The following ALK variants were observed in gnomAD, a reference collection of about 807,000 sequenced individuals.
ALK encodes the protein ALK tyrosine kinase receptor.
A neutral mutation model predicts 163.1 loss-of-function variants in ALK; 74 were observed. The ratio of observed to expected loss-of-function variants is 0.45; its 90% CI spans 0.38 to 0.55. The LOEUF is 0.55. ALK is among the 20% of genes least tolerant of loss of function. The probability of loss-of-function intolerance (pLI) is 0.00; values close to 1 mark genes in which losing one functional copy is unlikely to be tolerated. For synonymous variants in ALK, 960 were observed against 843.2 expected, an observed-to-expected ratio of 1.14 and a Z score of -2.40; for missense variants, 2,063 against 2,105.3, an observed-to-expected ratio of 0.98 and a Z score of 0.39.
chr2:29,394,244 T>C (rs145460986), intron 4 of ALK, among the ~76,000 whole-genome samples: 13 of 151,140 alleles, frequency 8.6e-5, no homozygotes, highest in Non-Finnish European at 1.3e-4. Flanking sequence ...CTGGTTTGTA[T>C]AAAAAATATA....
chr2:29,866,945 C>T (rs896651371), intron 1 of ALK, among the ~76,000 whole-genome samples: 2 of 152,208 alleles, frequency 1.3e-5, no homozygotes, highest in Admixed American at 6.5e-5. Flanking sequence ...TGGTCCTTTT[C>T]GCCACTTACA....
In ALK at chr2:29,220,816, T is replaced by C. The variant is rs1198494888; in HGVS notation, c.3535A>G (p.Ile1179Val). Residue 1179 changes from isoleucine to valine, a missense_variant, in exon 23 of 29, where the codon ATT becomes GTT. Transcript: ENST00000389048. ...AGGCTCACCCCAATGCAGCGAACAA[T>C]GTTCTGGTGGTTGAATTTGCTGCAG... ...LIISKFNHQN[I>V]VRCIGVSLQS... 1 of 1,614,122 alleles carries C rather than the reference T, an allele frequency of 6.2e-7. No individual in the cohort carries two copies. Among genetic ancestry groups the C allele is most frequent in the Middle Eastern group, 1.7e-4 (1 of 6,060 alleles).
At chr2:29,641,630 C>T (rs1474520262) in intron 3 of ALK, among the ~76,000 whole-genome samples, 1 of 152,118 alleles carries the variant, frequency 6.6e-6, no homozygotes, top group Non-Finnish European at 1.5e-5. Context: ...CCACCACCAC[C>T]ACCCCCTACT....
chr2:29,584,999 C>T (rs1032863096), intron 3 of ALK, among the ~76,000 whole-genome samples: 4 of 152,162 alleles, frequency 2.6e-5, no homozygotes, highest in African/African-American at 9.7e-5. Context: ...TTAGGAGGCC[C>T]ACAGCCAAAC....
chr2:29,669,979 G>A (rs912813617), intron 3 of ALK, among the ~76,000 whole-genome samples: 1 of 151,946 alleles, frequency 6.6e-6, no homozygotes, highest in Admixed American at 6.6e-5. Context: ...CTCTCAACAG[G>A]TTGCTGTAGC....
intron 4 of ALK, among the ~76,000 whole-genome samples, chr2:29,417,267 C>T (rs115872027): frequency 0.012 from 1,892 of 152,176 alleles, 39 homozygotes; most frequent in African/African-American, 0.038. Context: ...GGATTACAGG[C>T]GTGAGCATTT....
chr2:29,575,055 C>G (rs946364843), intron 3 of ALK, among the ~76,000 whole-genome samples: 1 of 152,200 alleles, frequency 6.6e-6, no homozygotes, highest in African/African-American at 2.4e-5. Flanking sequence ...GAGAGCCTCT[C>G]TAAATCAGAC....
chr2:29,417,088 C>T (rs143620912), intron 4 of ALK, among the ~76,000 whole-genome samples: 3,650 of 147,332 alleles, frequency 0.025, 152 homozygotes, highest in African/African-American at 0.083. Flanking sequence ...TCTGGGTTCA[C>T]GCCATTCTCC....
chr2:29,325,287 C>G (rs975461785), intron 6 of ALK, among the ~76,000 whole-genome samples: 2 of 152,286 alleles, frequency 1.3e-5, no homozygotes, highest in East Asian at 1.9e-4. Flanking sequence ...CTGGAAAGAG[C>G]TGGTGTAGTC....
rs1553315937 is a variant in ALK, at chr2:29,440,318, A to AT, written c.1155-56460dup. On this transcript the variant is annotated intron_variant, in intron 4 of 28. Transcript: ENST00000389048. ...GTTACGTAGGTTACGTGATGAATCA[A>AT]TTTTTTTTTTTTTTTTTTGAGACGG... Among the ~76,000 whole-genome samples, 367 of 83,148 alleles carry AT rather than the reference A, an allele frequency of 4.4e-3. 1 individual carries two copies. Among genetic ancestry groups the AT allele is most frequent in the African/African-American group, 0.011 (315 of 28,252 alleles). The allele number at this position is 83,148 out of a possible 152,430, so 54.5% of individuals were successfully genotyped here.
intron 3 of ALK, among the ~76,000 whole-genome samples, chr2:29,551,943 T>C (rs111254384): frequency 3.3e-4 from 51 of 152,346 alleles, no homozygotes; most frequent in African/African-American, 1.2e-3. Context: ...TGTGCAACTA[T>C]CATCACAACC....
At chr2:29,263,322 C>A (rs1286756083) in intron 11 of ALK, among the ~76,000 whole-genome samples, 2 of 152,166 alleles carry the variant, frequency 1.3e-5, no homozygotes, top group Admixed American at 1.3e-4. Flanking sequence ...AGCCCCAGCC[C>A]CTCACTCTAT....
rs572427783 is a variant in ALK at position 29,364,073 on chromosome 2, G to A, written c.1282+19659C>T. Among the ~76,000 whole-genome samples, 3 of 152,194 alleles carry A rather than the reference G, an allele frequency of 2.0e-5. No individual in the cohort carries two copies. The East Asian group carries it at 5.8e-4, about 29-fold the overall frequency. ...GGCTATAAACACAGATTCAAAATGGGGAAAATCTGAATATTACTGTACTAA... is the reference window on the plus strand; with the variant it reads ...GGCTATAAACACAGATTCAAAATGGAGAAAATCTGAATATTACTGTACTAA... On this transcript the variant is annotated intron_variant, in intron 5 of 28. Coordinates refer to ENST00000389048, the MANE Select transcript of ALK (RefSeq NM_004304.5).
At chr2:29,484,115 T>C (rs4311028) in intron 4 of ALK, among the ~76,000 whole-genome samples, 123,539 of 151,976 alleles carry the variant, frequency 0.81, 50,948 homozygotes, top group Non-Finnish European at 0.89. Context: ...ATTCAGTTAC[T>C]GCCCACTGGA....
intron 1 of ALK, among the ~76,000 whole-genome samples, chr2:29,913,204 C>T (rs1391278278): frequency 1.3e-5 from 2 of 152,100 alleles, no homozygotes; most frequent in African/African-American, 4.8e-5. Flanking sequence ...TCTCTGCCCA[C>T]TTTCTGGAAT....
chr2:29,715,110 A>G (rs1679208591), intron 2 of ALK, among the ~76,000 whole-genome samples: 3 of 152,244 alleles, frequency 2.0e-5, no homozygotes, highest in Admixed American at 6.5e-5. Context: ...GCACAGGGCC[A>G]AGCACCCAGA....
At chr2:29,427,594 AG>A (rs1240435388) in intron 4 of ALK, among the ~76,000 whole-genome samples, 5 of 152,118 alleles carry the variant, frequency 3.3e-5, no homozygotes, top group Non-Finnish European at 7.4e-5. Context: ...ATGTTACTCT[AG>A]AAGATATTCA....
chr2:29,629,199 C>T (rs558372984), intron 3 of ALK, among the ~76,000 whole-genome samples: 44 of 152,318 alleles, frequency 2.9e-4, no homozygotes, highest in African/African-American at 1.0e-3. Flanking sequence ...GAATCCCACA[C>T]TCAAACCCAA....
intron 3 of ALK, among the ~76,000 whole-genome samples, chr2:29,692,739 G>A (rs1048796186): frequency 5.3e-5 from 8 of 152,144 alleles, no homozygotes; most frequent in African/African-American, 1.9e-4. Context: ...CTGGGTGTTA[G>A]GGATCCCTGT....
Sources: gnomAD v4.1 joint callset for allele counts (sites outside exome capture counted in the v4.1 genomes callset) on GRCh38, gnomAD v4.1.1 for gene constraint, MANE v1.5 for transcripts, NCBI Gene and HGNC (gene_info 2026-07-23, HGNC 2026-07-21) for gene names.